The following SDC2 variants were observed in gnomAD, a reference collection of about 807,000 sequenced individuals.
SDC2 encodes the protein syndecan-2.
SDC2 carries 13 observed loss-of-function variants against 22.2 expected under a neutral mutation model. The ratio of observed to expected loss-of-function variants is 0.59; its 90% confidence interval spans 0.38 to 0.93. The LOEUF (loss-of-function observed/expected upper bound fraction) is 0.93. SDC2 is among the 40% of genes least tolerant of loss of function. The probability of loss-of-function intolerance (pLI) is 0.00; values close to 1 mark genes in which losing one functional copy is unlikely to be tolerated. For missense variants in SDC2, 235 were observed against 246.8 expected (o/e 0.95, Z 0.32); for synonymous variants, 94 against 92.8 (o/e 1.01, Z -0.07).
chr8:96,554,191 C>T (rs1814072759), intron 1 of SDC2, among the ~76,000 whole-genome samples: 1 of 152,108 alleles, frequency 6.6e-6, no homozygotes, highest in Non-Finnish European at 1.5e-5. Flanking sequence ...TGGATTTATG[C>T]CAGATACATG....
At chr8:96,582,554 C>T (rs1224664887) in intron 1 of SDC2, among the ~76,000 whole-genome samples, 1 of 152,160 alleles carries the variant, frequency 6.6e-6, no homozygotes, top group Admixed American at 6.5e-5. Flanking sequence ...GTATAAGGAA[C>T]CAACTGCAAG....
chr8:96,526,965 A>G (rs59835816), intron 1 of SDC2, among the ~76,000 whole-genome samples: 9,900 of 152,164 alleles, frequency 0.065, 1,031 homozygotes, highest in African/African-American at 0.22. Flanking sequence ...GTCTGTTCCC[A>G]ATGTCTGGGT....
intron 1 of SDC2, among the ~76,000 whole-genome samples, chr8:96,565,101 T>TTTTTTTTTTTTTTTTTTTTTA: frequency 7.0e-6 from 1 of 142,548 alleles, no homozygotes. Flanking sequence ...TTTTTTTTTG[T>TTTTTTTTTTTTTTTTTTTTTA]TGAGATGGGG....
intron 1 of SDC2, among the ~76,000 whole-genome samples, chr8:96,501,361 C>T (rs1272760606): frequency 8.2e-6 from 1 of 121,784 alleles, no homozygotes; most frequent in Non-Finnish European, 1.6e-5. Context: ...GGCTGGAGTG[C>T]AGTGGCATAA....
chr8:96,572,046 A>G (rs921082830), intron 1 of SDC2, among the ~76,000 whole-genome samples: 8 of 152,166 alleles, frequency 5.3e-5, no homozygotes, highest in Non-Finnish European at 1.0e-4. Context: ...GTTAAAGGCC[A>G]TCAGTGCTGG....
chr8:96,515,140 A>T (rs1813383370), intron 1 of SDC2, among the ~76,000 whole-genome samples: 2 of 152,100 alleles, frequency 1.3e-5, no homozygotes, highest in Admixed American at 1.3e-4. Context: ...CCTTTTTGTA[A>T]AACCAGCTAG....
chr8:96,605,369 A>T (rs1815059901), intron 3 of SDC2, among the ~76,000 whole-genome samples: 1 of 152,216 alleles, frequency 6.6e-6, no homozygotes, highest in South Asian at 2.1e-4. Context: ...ATGAGCAGTG[A>T]AAAGGTCTCT....
At chr8:96,514,772 T>C (rs1436868003) in intron 1 of SDC2, among the ~76,000 whole-genome samples, 1 of 151,962 alleles carries the variant, frequency 6.6e-6, no homozygotes, top group Non-Finnish European at 1.5e-5. Flanking sequence ...TCACAGGGGT[T>C]TGCATTCCTA....
At chr8:96,512,904 A>G (rs1470619822) in intron 1 of SDC2, among the ~76,000 whole-genome samples, 7 of 152,252 alleles carry the variant, frequency 4.6e-5, no homozygotes, top group Admixed American at 4.6e-4. Context: ...AGAAGCCTTT[A>G]GTGCATCAAA....
intron 1 of SDC2, among the ~76,000 whole-genome samples, chr8:96,592,566 T>G (rs1022718896): frequency 6.6e-6 from 1 of 152,294 alleles, no homozygotes; most frequent in East Asian, 1.9e-4. Flanking sequence ...ACTAAAACCA[T>G]TTTTTAAAGT....
rs995098116 is a variant in SDC2, at chr8:96,511,813, G to A, written c.60+17482G>A. On this transcript the variant is annotated intron_variant, in intron 1 of 4. Transcript: ENST00000302190. ...GATTTTTTTTTTTTTTTTTTAATCA[G>A]CCTCAAGGCTTACGTAACTCTCAGC... Among the ~76,000 whole-genome samples, 6 of 148,662 alleles carry A rather than the reference G, an allele frequency of 4.0e-5. No homozygotes were observed. In the South Asian group the frequency reaches 8.4e-4, roughly 21 times the overall value.
Position 96,499,261 on chromosome 8 carries a change from G to A in SDC2, c.60+4930G>A, listed in dbSNP as rs113598933. ...GTTGTTTTTAATCCTTCTGTAAATAGCAAGGCATACTGATGATCAGAATCA... is the reference window on the plus strand; with the variant it reads ...GTTGTTTTTAATCCTTCTGTAAATAACAAGGCATACTGATGATCAGAATCA... On this transcript the variant is annotated intron_variant, in intron 1 of 4. Coordinates refer to ENST00000302190, the MANE Select transcript of SDC2 (RefSeq NM_002998.4). Among the ~76,000 whole-genome samples, 701 of 152,236 alleles carry A rather than the reference G, an allele frequency of 4.6e-3. 11 individuals are homozygous for A. Among genetic ancestry groups the A allele is most frequent in the African/African-American group, 0.016 (660 of 41,536 alleles).
intron 2 of SDC2, among the ~76,000 whole-genome samples, chr8:96,594,994 C>A (rs1407424376): frequency 1.3e-5 from 2 of 152,118 alleles, no homozygotes; most frequent in Admixed American, 1.3e-4. Context: ...ATGGGAACTA[C>A]AATTTAAGAT....
chr8:96,522,790 G>A (rs756119199), intron 1 of SDC2, among the ~76,000 whole-genome samples: 25 of 152,200 alleles, frequency 1.6e-4, no homozygotes, highest in Non-Finnish European at 3.1e-4. Flanking sequence ...AGCAGTTTCA[G>A]GATGTAAGGT....
chr8:96,560,880 C>T (rs571145781), intron 1 of SDC2, among the ~76,000 whole-genome samples: 5 of 152,174 alleles, frequency 3.3e-5, no homozygotes, highest in South Asian at 2.1e-4. Flanking sequence ...CTGAGGTGGA[C>T]GGGTCACTTG....
chr8:96,549,713 CAT>C (rs1481242903), intron 1 of SDC2, among the ~76,000 whole-genome samples: 1 of 152,142 alleles, frequency 6.6e-6, no homozygotes, highest in Non-Finnish European at 1.5e-5. Context: ...AGTAATAATG[CAT>C]ATATGTTTGC....
At chr8:96,581,364 C>CA (rs1370559540) in intron 1 of SDC2, among the ~76,000 whole-genome samples, 1 of 152,178 alleles carries the variant, frequency 6.6e-6, no homozygotes, top group Non-Finnish European at 1.5e-5. Flanking sequence ...CATGGTGGCT[C>CA]ACGCCTGTAA....
At chr8:96,582,926 A>C (rs1490309867) in intron 1 of SDC2, among the ~76,000 whole-genome samples, 1 of 152,170 alleles carries the variant, frequency 6.6e-6, no homozygotes, top group Non-Finnish European at 1.5e-5. Flanking sequence ...TATTAGACCC[A>C]GGAATTTTTA....
intron 1 of SDC2, among the ~76,000 whole-genome samples, chr8:96,543,889 A>G (rs1447634037): frequency 6.6e-6 from 1 of 152,244 alleles, no homozygotes; most frequent in Non-Finnish European, 1.5e-5. Context: ...ATTTTGAAAG[A>G]GCATTACAGT....
Sources: gnomAD v4.1 joint callset for allele counts (sites outside exome capture counted in the v4.1 genomes callset) on GRCh38, gnomAD v4.1.1 for gene constraint, MANE v1.5 for transcripts, NCBI Gene and HGNC (gene_info 2026-07-23, HGNC 2026-07-21) for gene names.